ZNF804B: variants seen among roughly 807,000 people sequenced by gnomAD.
ZNF804B encodes zinc finger protein 804B.
ZNF804B carries 80 observed loss-of-function variants against 101.4 expected under a neutral mutation model. The observed-to-expected ratio is 0.79, with a 90% CI of 0.66 to 0.95. The LOEUF (loss-of-function observed/expected upper bound fraction) is 0.95, where lower values mean the gene tolerates loss of function less well. Ranked by LOEUF, ZNF804B falls within the 40% of genes least tolerant of loss-of-function variation. The pLI, the probability that ZNF804B is intolerant of heterozygous loss-of-function variation, is 0.00. For synonymous variants in ZNF804B, 622 were observed against 558.8 expected, an observed-to-expected ratio of 1.11 and a Z score of -1.59; for missense variants, 1,673 against 1,561.9, an observed-to-expected ratio of 1.07 and a Z score of -1.20.
At chr7:89,196,517 TA>T (rs1788555078) in intron 1 of ZNF804B, among the ~76,000 whole-genome samples, 1 of 151,844 alleles carries the variant, frequency 6.6e-6, no homozygotes, top group Non-Finnish European at 1.5e-5. Flanking sequence ...CCCAAAACCA[TA>T]AAAACCCAGG....
chr7:89,067,262 G>C (rs1789468046), intron 1 of ZNF804B, among the ~76,000 whole-genome samples: 1 of 152,172 alleles, frequency 6.6e-6, no homozygotes, highest in South Asian at 2.1e-4. Context: ...GATCCAGGAA[G>C]GGGGAAGCAA....
chr7:88,772,626 A>C (rs544865023), intron 1 of ZNF804B, among the ~76,000 whole-genome samples: 1 of 152,202 alleles, frequency 6.6e-6, no homozygotes, highest in African/African-American at 2.4e-5. Context: ...ATTTGGGTAC[A>C]TGAAGTTCTA....
intron 1 of ZNF804B, among the ~76,000 whole-genome samples, chr7:89,184,823 A>G (rs1387043978): frequency 6.6e-6 from 1 of 152,168 alleles, no homozygotes; most frequent in East Asian, 1.9e-4. Context: ...ATATTTGCCA[A>G]AACTAATTGA....
chr7:88,928,645 T>A (rs1792840944), intron 1 of ZNF804B, among the ~76,000 whole-genome samples: 1 of 152,178 alleles, frequency 6.6e-6, no homozygotes, highest in Non-Finnish European at 1.5e-5. Context: ...ACAAGGTAAT[T>A]TCTGAAGTAT....
chr7:89,221,897 G>A (rs1157576552), intron 2 of ZNF804B, among the ~76,000 whole-genome samples: 7 of 151,860 alleles, frequency 4.6e-5, no homozygotes, highest in African/African-American at 1.2e-4. Context: ...GTGAAAAAGC[G>A]ACACATTTGG....
At chr7:89,178,279 C>T (rs7455739) in intron 1 of ZNF804B, among the ~76,000 whole-genome samples, 31,013 of 148,146 alleles carry the variant, frequency 0.21, 3,401 homozygotes, top group Middle Eastern at 0.4. Flanking sequence ...AGGTTATTAT[C>T]GATAAGCAAG....
In ZNF804B at chr7:89,337,501, A is replaced by G. The variant is rs1791119735; in HGVS notation, c.*469A>G. 6.6e-6 allele frequency among the ~76,000 whole-genome samples: 1 copy of G among 152,152 alleles called. No individual in the cohort carries two copies. The highest frequency in any genetic ancestry group is 6.6e-5 in the Admixed American group (1 of 15,266). On this transcript the variant is annotated 3_prime_UTR_variant, in exon 4 of 4. Transcript: ENST00000333190. ...TTTAAAGTAATTTATGTCGTTAACT[A>G]TTGACTAAGTTTTCAATTAATGTAG... is the stretch of plus-strand genomic sequence containing the variant.
chr7:89,070,726 T>C (rs1789523301), intron 1 of ZNF804B, among the ~76,000 whole-genome samples: 1 of 152,098 alleles, frequency 6.6e-6, no homozygotes. Flanking sequence ...AATGGCAAAT[T>C]TTATAAGGTC....
intron 1 of ZNF804B, among the ~76,000 whole-genome samples, chr7:89,205,109 A>G (rs1788696170): frequency 6.6e-6 from 1 of 152,158 alleles, no homozygotes; most frequent in Non-Finnish European, 1.5e-5. Context: ...TTATAAAACC[A>G]TCTGATCTCA....
At chr7:89,183,086 G>A (rs185866225) in intron 1 of ZNF804B, among the ~76,000 whole-genome samples, 21 of 152,248 alleles carry the variant, frequency 1.4e-4, no homozygotes, top group Admixed American at 1.3e-3. Flanking sequence ...GACCGGAGAA[G>A]GCTAATAAGT....
At chr7:89,277,339 T>G (rs982929329) in intron 2 of ZNF804B, among the ~76,000 whole-genome samples, 3 of 149,788 alleles carry the variant, frequency 2.0e-5, no homozygotes, top group Non-Finnish European at 4.5e-5. Context: ...CTTTTTTTTA[T>G]TATTATACTT....
intron 2 of ZNF804B, among the ~76,000 whole-genome samples, chr7:89,315,564 AT>A (rs752825625): frequency 5.9e-5 from 9 of 152,140 alleles, no homozygotes; most frequent in Admixed American, 3.9e-4. Context: ...TTTTGTGCTT[AT>A]TATATATTGT....
chr7:88,973,347 A>G (rs1028794796), intron 1 of ZNF804B, among the ~76,000 whole-genome samples: 4 of 151,378 alleles, frequency 2.6e-5, no homozygotes, highest in African/African-American at 9.7e-5. Context: ...ATATAGAATA[A>G]TAGGTACCAA....
chr7:88,815,321 A>G (rs1451427346), intron 1 of ZNF804B, among the ~76,000 whole-genome samples: 1 of 149,606 alleles, frequency 6.7e-6, no homozygotes, highest in East Asian at 1.9e-4. Flanking sequence ...GACAAAAGCT[A>G]GGCATAGAAT....
chr7:89,185,562 T>C (rs17167350), intron 1 of ZNF804B, among the ~76,000 whole-genome samples: 40,003 of 151,972 alleles, frequency 0.26, 5,783 homozygotes, highest in African/African-American at 0.38. Context: ...AAACGACGTA[T>C]TGAAAAGACA....
intron 1 of ZNF804B, among the ~76,000 whole-genome samples, chr7:89,075,874 G>A (rs554553996): frequency 2.0e-5 from 3 of 152,306 alleles, no homozygotes; most frequent in African/African-American, 7.2e-5. Flanking sequence ...AGCATGACCT[G>A]ATGTCAAAGG....
chr7:89,257,684 G>C (rs1789655317), intron 2 of ZNF804B, among the ~76,000 whole-genome samples: 1 of 152,038 alleles, frequency 6.6e-6, no homozygotes, highest in Admixed American at 6.6e-5. Context: ...CATGTTGTAG[G>C]GCTTTGGTTT....
At chr7:88,808,514 A>G (rs1455695326) in intron 1 of ZNF804B, among the ~76,000 whole-genome samples, 1 of 152,096 alleles carries the variant, frequency 6.6e-6, no homozygotes. Context: ...AGCAAGAAGG[A>G]AGTGAGATCT....
rs528789519 is a variant in ZNF804B at position 88,887,445 on chromosome 7, T to G, written c.108+127361T>G. 2.6e-5 allele frequency among the ~76,000 whole-genome samples: 4 copies of G among 152,316 alleles called. No individual in the cohort carries two copies. The East Asian group carries it at 5.8e-4, about 22-fold the overall frequency. On this transcript the variant is annotated intron_variant, in intron 1 of 3. Transcript: ENST00000333190. ...CTTTAATCCATCTTGAGTTCATTTT[T>G]GTATATGGTGTAATGAAGGGATCCA...
Sources: allele counts gnomAD v4.1 joint callset (sites outside exome capture counted in the v4.1 genomes callset), GRCh38; gene constraint gnomAD v4.1.1; transcripts MANE v1.5; gene names NCBI Gene and HGNC (gene_info 2026-07-23, HGNC 2026-07-21).